Variants in GRIK2 observed in about 807,000 individuals in gnomAD.
The protein encoded by GRIK2 is glutamate ionotropic receptor kainate type subunit 2, also known as glutamate receptor ionotropic, kainate 2.
In GRIK2, 32 loss-of-function variants were observed where a neutral mutation model predicts 100.3. The observed-to-expected ratio is 0.32, with a 90% confidence interval of 0.24 to 0.43. The LOEUF (loss-of-function observed/expected upper bound fraction) is 0.43, where lower values mean the gene tolerates loss of function less well. GRIK2 is among the 20% of genes least tolerant of loss of function. The pLI, the probability that GRIK2 is intolerant of heterozygous loss-of-function variation, is 1.00. For missense variants in GRIK2, 843 were observed against 1,114.9 expected (o/e 0.76, Z 3.47); for synonymous variants, 417 against 389.4 (o/e 1.07, Z -0.83).
At chr6:101,928,897 T>C (rs1790081591) in intron 14 of GRIK2, among the ~76,000 whole-genome samples, 1 of 152,212 alleles carries the variant, frequency 6.6e-6, no homozygotes, top group Admixed American at 6.5e-5. Context: ...TAACATTTTT[T>C]CCCAGTAAGC....
chr6:101,517,663 CA>C (rs1311626745), intron 2 of GRIK2, among the ~76,000 whole-genome samples: 2 of 152,108 alleles, frequency 1.3e-5, no homozygotes, highest in Non-Finnish European at 2.9e-5. Context: ...AGGCAATAGA[CA>C]AGTAGGCAAA....
At position 102,070,071 on chromosome 6, in the gene GRIK2, C is replaced by T. The variant is rs1396368913; in HGVS notation, c.*1560C>T. 2 of 152,010 alleles carry T rather than the reference C, an allele frequency of 1.3e-5. No individual in the cohort carries two copies. The highest frequency in any genetic ancestry group is 1.3e-4 in the Admixed American group (2 of 15,218). 9.4% of individuals were successfully genotyped at this position (152,010 alleles called of 1,614,324 possible). A position where few individuals can be genotyped will look rare whatever the true frequency, so the allele number is the denominator to read the frequency against. The stretch of plus-strand genomic sequence containing the variant: ...TAAAAAAAATCATTAAAACTATGTT[C>T]ATTTTACTTTCAGCTTTGTCTTTCA... On this transcript the variant is annotated 3_prime_UTR_variant, in exon 17 of 17. Transcript: ENST00000369134.
intron 7 of GRIK2, among the ~76,000 whole-genome samples, chr6:101,750,143 G>T (rs9498687): frequency 0.16 from 24,254 of 151,886 alleles, 2,380 homozygotes; most frequent in African/African-American, 0.26. Flanking sequence ...GATAAATATC[G>T]TACCTAAAGT....
At chr6:101,557,251 G>T (rs1361515811) in intron 2 of GRIK2, among the ~76,000 whole-genome samples, 2 of 152,088 alleles carry the variant, frequency 1.3e-5, no homozygotes, top group Non-Finnish European at 2.9e-5. Context: ...GACCATTCAA[G>T]TACCACGAAA....
At chr6:101,742,610 T>C (rs887735810) in intron 7 of GRIK2, among the ~76,000 whole-genome samples, 2 of 152,122 alleles carry the variant, frequency 1.3e-5, no homozygotes, top group Non-Finnish European at 2.9e-5. Context: ...GCGGGACAAT[T>C]TGAGGCAAGG....
intron 14 of GRIK2, among the ~76,000 whole-genome samples, chr6:101,935,930 G>T (rs978833618): frequency 6.6e-6 from 1 of 151,952 alleles, no homozygotes; most frequent in Non-Finnish European, 1.5e-5. Flanking sequence ...ATATACTTAG[G>T]CTTCTAAGCC....
intron 2 of GRIK2, among the ~76,000 whole-genome samples, chr6:101,415,037 C>A (rs149173910): frequency 2.0e-5 from 3 of 151,380 alleles, no homozygotes; most frequent in African/African-American, 7.3e-5. Context: ...TAAAGTAATG[C>A]ATTGTAGCTT....
chr6:101,610,789 T>C (rs1251918792), intron 2 of GRIK2, among the ~76,000 whole-genome samples: 1 of 151,822 alleles, frequency 6.6e-6, no homozygotes, highest in Non-Finnish European at 1.5e-5. Flanking sequence ...CTATTTTCTT[T>C]TAAATAAGTA....
chr6:101,909,118 C>T (rs1788453572), intron 12 of GRIK2, among the ~76,000 whole-genome samples: 1 of 150,914 alleles, frequency 6.6e-6, no homozygotes, highest in Admixed American at 6.6e-5. Flanking sequence ...AAGGTACTAC[C>T]AGCTGTTACA....
chr6:101,950,006 G>C (rs79050199), intron 14 of GRIK2, among the ~76,000 whole-genome samples: 1,715 of 152,194 alleles, frequency 0.011, 35 homozygotes, highest in African/African-American at 0.039. Flanking sequence ...GAACAGAAAT[G>C]AGAAAATGAG....
chr6:101,689,849 T>C (rs2128346024), intron 7 of GRIK2, among the ~76,000 whole-genome samples: 1 of 152,286 alleles, frequency 6.6e-6, no homozygotes, highest in South Asian at 2.1e-4. Flanking sequence ...CTGCATTCTG[T>C]ATTGTGTTCC....
At chr6:102,011,320 C>T (rs1795519109) in intron 14 of GRIK2, among the ~76,000 whole-genome samples, 1 of 152,034 alleles carries the variant, frequency 6.6e-6, no homozygotes, top group African/African-American at 2.4e-5. Context: ...TTTTCATAAG[C>T]TTACTTTCTA....
At chr6:101,396,810 GCT>G (rs1775029025) in intron 1 of GRIK2, among the ~76,000 whole-genome samples, 1 of 152,188 alleles carries the variant, frequency 6.6e-6, no homozygotes, top group Admixed American at 6.5e-5. Flanking sequence ...AGGTGGAATT[GCT>G]GTCTGTTGTG....
intron 7 of GRIK2, among the ~76,000 whole-genome samples, chr6:101,777,946 A>G (rs1005633955): frequency 9.2e-5 from 14 of 152,214 alleles, no homozygotes; most frequent in Non-Finnish European, 1.6e-4. Context: ...TCTGGGGGGT[A>G]ATACATTCTA....
In GRIK2 at chr6:101,447,833, T is replaced by G. The variant is rs542134324; in HGVS notation, c.115+48441T>G. 4.6e-5 allele frequency among the ~76,000 whole-genome samples: 7 copies of G among 151,832 alleles called. No individual in the cohort carries two copies. The South Asian group carries it at 1.4e-3, about 31-fold the overall frequency. On this transcript the variant is annotated intron_variant, in intron 2 of 16. Transcript: ENST00000369134. Reference sequence around the variant, plus strand: ...CTAATGTCAATTTCATGTGAATAGCTGTACTTAAGATTTGTAACTTAAGCC... The same window carrying G: ...CTAATGTCAATTTCATGTGAATAGCGGTACTTAAGATTTGTAACTTAAGCC...
At chr6:101,667,419 T>TCC (rs905555873) in intron 4 of GRIK2, among the ~76,000 whole-genome samples, 15 of 152,296 alleles carry the variant, frequency 9.8e-5, no homozygotes, top group African/African-American at 3.6e-4. Context: ...ATGTGTATGA[T>TCC]TCTAAGTGTG....
At chr6:102,051,558 T>A (rs1215766849) in intron 15 of GRIK2, among the ~76,000 whole-genome samples, 1 of 152,132 alleles carries the variant, frequency 6.6e-6, no homozygotes. Context: ...AAATAATTTA[T>A]TTGTCAATGT....
rs139435257 is a variant in GRIK2 at position 101,469,920 on chromosome 6, A to C, written c.115+70528A>C. On this transcript the variant is annotated intron_variant, in intron 2 of 16. Coordinates refer to ENST00000369134, the MANE Select transcript of GRIK2 (RefSeq NM_021956.5). ...TTGTGGAAAAGCAAGAGGTGAGGGC[A>C]GGAGCCCTCTCCACTTATGTCATAG... Among the ~76,000 whole-genome samples the C allele has an allele frequency of 5.4e-3, 828 of 152,302 alleles. 23 individuals are homozygous for C. Among genetic ancestry groups the C allele is most frequent in the East Asian group, 0.051 (263 of 5,176 alleles).
chr6:101,801,274 T>C (rs1310672613), intron 8 of GRIK2, among the ~76,000 whole-genome samples: 1 of 152,108 alleles, frequency 6.6e-6, no homozygotes, highest in East Asian at 1.9e-4. Flanking sequence ...TGAAAGTTTT[T>C]CTTTGGAAGC....
Sources: allele counts gnomAD v4.1 joint callset (sites outside exome capture counted in the v4.1 genomes callset), GRCh38; gene constraint gnomAD v4.1.1; transcripts MANE v1.5; gene names NCBI Gene and HGNC (gene_info 2026-07-23, HGNC 2026-07-21).